The following DPP10 variants were observed in gnomAD, a reference collection of about 807,000 sequenced individuals.
DPP10 encodes dipeptidyl peptidase like 10.
A neutral mutation model predicts 120.9 loss-of-function variants in DPP10; 33 were observed. The observed-to-expected ratio is 0.27, with a 90% CI of 0.21 to 0.37. DPP10 has a LOEUF of 0.37. Ranked by LOEUF, DPP10 falls within the 10% of genes least tolerant of loss-of-function variation. The pLI is 1.00. For synonymous variants in DPP10, 337 were observed against 326.1 expected (o/e 1.03, Z -0.36); for missense variants, 816 against 942.8 (o/e 0.87, Z 1.76).
chr2:115,724,558 A>T (rs1257180022), intron 7 of DPP10, among the ~76,000 whole-genome samples: 1 of 152,036 alleles, frequency 6.6e-6, no homozygotes, highest in Non-Finnish European at 1.5e-5. Context: ...CCCATTTTGA[A>T]TTATTTTATG....
At chr2:114,728,841 T>C (rs1676609284) in intron 1 of DPP10, among the ~76,000 whole-genome samples, 1 of 152,218 alleles carries the variant, frequency 6.6e-6, no homozygotes, top group Admixed American at 6.5e-5. Context: ...ATCTGTTAGG[T>C]AGTAATGAAT....
At chr2:115,762,436 A>G in intron 11 of DPP10, 136 bp from the exon 12 acceptor site, 1 of 786,304 alleles carries the variant, frequency 1.3e-6, no homozygotes, top group Non-Finnish European at 2.2e-6. Context: ...ATCAATAATG[A>G]CAATGAAATC....
intron 1 of DPP10, among the ~76,000 whole-genome samples, chr2:115,042,959 A>C (rs1046748136): frequency 2.6e-5 from 4 of 152,180 alleles, no homozygotes; most frequent in African/African-American, 9.7e-5. Flanking sequence ...TCATCATTTT[A>C]ATAGTTTATC....
chr2:114,770,517 A>T (rs1006401037), intron 1 of DPP10, among the ~76,000 whole-genome samples: 7 of 152,150 alleles, frequency 4.6e-5, no homozygotes, highest in Non-Finnish European at 8.8e-5. Flanking sequence ...TTGCAAAATA[A>T]AAATAGCACC....
chr2:115,690,715 G>T (rs1454135327), intron 7 of DPP10, among the ~76,000 whole-genome samples: 1 of 152,096 alleles, frequency 6.6e-6, no homozygotes, highest in Non-Finnish European at 1.5e-5. Flanking sequence ...AGCCCCGCCT[G>T]CAATATTATA....
intron 1 of DPP10, among the ~76,000 whole-genome samples, chr2:114,910,703 G>T (rs1175177509): frequency 6.6e-6 from 1 of 152,046 alleles, no homozygotes; most frequent in Non-Finnish European, 1.5e-5. Context: ...AAAGTTTTGT[G>T]CATAAGAAAT....
rs180879565 is a variant in DPP10, at chr2:114,469,668, C to T, written c.60+26830C>T. Among the ~76,000 whole-genome samples the T allele has an allele frequency of 3.3e-5, 5 of 152,236 alleles. No individual in the cohort carries two copies. In the East Asian group the frequency reaches 7.7e-4, roughly 24 times the overall value. ...CCTTGAACCCAGGAGGCCAAGGTTGCAGTGAGCTGAGATTGCACCACTGCA... is the reference window on the plus strand; with the variant it reads ...CCTTGAACCCAGGAGGCCAAGGTTGTAGTGAGCTGAGATTGCACCACTGCA... On this transcript the variant is annotated intron_variant, in intron 1 of 25. Transcript: ENST00000410059.
chr2:115,011,688 G>T (rs775035465), intron 1 of DPP10, among the ~76,000 whole-genome samples: 4 of 152,092 alleles, frequency 2.6e-5, no homozygotes, highest in African/African-American at 4.8e-5. Flanking sequence ...TGTAGCTCAC[G>T]CTTGGAGGAA....
chr2:114,790,294 A>C (rs1683127540), intron 1 of DPP10, among the ~76,000 whole-genome samples: 1 of 152,206 alleles, frequency 6.6e-6, no homozygotes, highest in African/African-American at 2.4e-5. Context: ...GAAAATGGTT[A>C]CTTCTTCTAA....
intron 15 of DPP10, 60 bp downstream of exon 15, chr2:115,777,894 C>T: frequency 6.5e-7 from 1 of 1,532,184 alleles, no homozygotes; most frequent in East Asian, 2.3e-5. Context: ...ATCTATGTAG[C>T]ATAAGGAAGG....
chr2:115,183,900 G>A (rs909356388), intron 1 of DPP10, among the ~76,000 whole-genome samples: 1 of 152,280 alleles, frequency 6.6e-6, no homozygotes, highest in East Asian at 1.9e-4. Flanking sequence ...TCAGAGGGCT[G>A]TGTTTCATGG....
intron 1 of DPP10, among the ~76,000 whole-genome samples, chr2:115,177,761 T>TG (rs2053794784): frequency 1.1e-5 from 1 of 88,086 alleles, no homozygotes; most frequent in Non-Finnish European, 2.4e-5. Flanking sequence ...TTTGTTTTTG[T>TG]TTTTGTTTGT....
At chr2:115,745,467 T>C (rs777602346) in intron 9 of DPP10, among the ~76,000 whole-genome samples, 4 of 150,562 alleles carry the variant, frequency 2.7e-5, no homozygotes, top group African/African-American at 7.3e-5. Flanking sequence ...TCATGCCAGG[T>C]ACTCAGTGAG....
chr2:115,337,272 C>T (rs1019347620), intron 2 of DPP10, among the ~76,000 whole-genome samples: 1 of 151,858 alleles, frequency 6.6e-6, no homozygotes, highest in Non-Finnish European at 1.5e-5. Flanking sequence ...TCCAGAGGGG[C>T]TTACACTAAG....
In DPP10 at chr2:115,274,123, A is replaced by G. The variant is rs143271811; in HGVS notation, c.61-35116A>G. Reference sequence around the variant, plus strand: ...TGTGTCTGTGTGTGTGTGTGTGTCTATACCACTTTGGATATCACTCAGTTA... The same window carrying G: ...TGTGTCTGTGTGTGTGTGTGTGTCTGTACCACTTTGGATATCACTCAGTTA... On this transcript the variant is annotated intron_variant, in intron 1 of 25. Coordinates refer to ENST00000410059, the MANE Select transcript of DPP10 (RefSeq NM_020868.6). Among the ~76,000 whole-genome samples the G allele has an allele frequency of 1.6e-4, 24 of 152,170 alleles. No individual in the cohort carries two copies. The East Asian group carries it at 4.1e-3, about 26-fold the overall frequency.
intron 1 of DPP10, among the ~76,000 whole-genome samples, chr2:115,108,874 T>C (rs2049075376): frequency 6.6e-6 from 1 of 152,088 alleles, no homozygotes; most frequent in Admixed American, 6.6e-5. Context: ...ATGAGAAATA[T>C]AGGAGACTGG....
chr2:115,165,509 C>T (rs1227072310), intron 1 of DPP10, among the ~76,000 whole-genome samples: 1 of 152,194 alleles, frequency 6.6e-6, no homozygotes, highest in African/African-American at 2.4e-5. Flanking sequence ...AAGTAAATCA[C>T]AGCTCTGCTA....
intron 1 of DPP10, among the ~76,000 whole-genome samples, chr2:114,878,959 A>G (rs1202493845): frequency 1.3e-5 from 2 of 152,120 alleles, no homozygotes; most frequent in Non-Finnish European, 2.9e-5. Context: ...TTTGTAACAT[A>G]TATACCTGAA....
intron 2 of DPP10, among the ~76,000 whole-genome samples, chr2:115,334,995 A>C (rs545460895): frequency 2.6e-5 from 4 of 151,600 alleles, no homozygotes; most frequent in Admixed American, 6.6e-5. Flanking sequence ...TGGGATATTT[A>C]CAAAAGACGA....
Sources: allele counts gnomAD v4.1 joint callset (sites outside exome capture counted in the v4.1 genomes callset), GRCh38; gene constraint gnomAD v4.1.1; transcripts MANE v1.5; gene names NCBI Gene and HGNC (gene_info 2026-07-23, HGNC 2026-07-21).